Variants in DOCK3 observed in about 807,000 individuals in gnomAD.
DOCK3 encodes the protein dedicator of cytokinesis 3, also known as dedicator of cytokinesis protein 3.
DOCK3 carries 60 observed loss-of-function variants against 265.6 expected under a neutral mutation model. The ratio of observed to expected loss-of-function variants is 0.23; its 90% CI spans 0.18 to 0.28. DOCK3 has a LOEUF of 0.28. Among genes scored for constraint, DOCK3 ranks in the 10% least tolerant of loss-of-function variants. The probability of loss-of-function intolerance (pLI) is 1.00; values close to 1 mark genes in which losing one functional copy is unlikely to be tolerated. For synonymous variants in DOCK3, 881 were observed against 938.0 expected (o/e 0.94, Z 1.11); for missense variants, 1,981 against 2,594.3 (o/e 0.76, Z 5.14).
chr3:51,378,438 C>G (rs1478265560), intron 51 of DOCK3, among the ~76,000 whole-genome samples: 1 of 152,144 alleles, frequency 6.6e-6, no homozygotes, highest in Non-Finnish European at 1.5e-5. Flanking sequence ...CCTGTCAGCT[C>G]CCATTAGGCC....
intron 12 of DOCK3, among the ~76,000 whole-genome samples, chr3:51,176,137 G>T (rs549008966): frequency 6.6e-6 from 1 of 152,206 alleles, no homozygotes. Flanking sequence ...CCAGAGTGAA[G>T]AAAGTGAGTT....
intron 5 of DOCK3, among the ~76,000 whole-genome samples, chr3:50,981,326 T>C (rs116377658): frequency 0.011 from 1,726 of 152,346 alleles, 28 homozygotes; most frequent in African/African-American, 0.039. Context: ...AGCTTACTTA[T>C]ATGATTTCAA....
intron 9 of DOCK3, among the ~76,000 whole-genome samples, chr3:51,110,894 T>C (rs1281742911): frequency 3.3e-5 from 5 of 152,198 alleles, no homozygotes; most frequent in Non-Finnish European, 7.4e-5. Flanking sequence ...TCAGTCTATC[T>C]CTGTTTTCAG....
At chr3:50,720,157 G>T (rs2037382980) in intron 1 of DOCK3, among the ~76,000 whole-genome samples, 1 of 151,898 alleles carries the variant, frequency 6.6e-6, no homozygotes, top group South Asian at 2.1e-4. Context: ...TTTTATTTTA[G>T]GTCCAGAGGT....
intron 2 of DOCK3, among the ~76,000 whole-genome samples, chr3:50,809,464 T>C (rs1162728769): frequency 6.6e-6 from 1 of 152,224 alleles, no homozygotes; most frequent in Non-Finnish European, 1.5e-5. Flanking sequence ...CAGACATTAC[T>C]GATGGTGGGG....
At chr3:51,345,770 T>C (rs1230621442) in intron 38 of DOCK3, among the ~76,000 whole-genome samples, 4 of 152,242 alleles carry the variant, frequency 2.6e-5, no homozygotes, top group African/African-American at 7.2e-5. Context: ...AAATGTACTC[T>C]TTTGAGAAAC....
intron 27 of DOCK3, among the ~76,000 whole-genome samples, chr3:51,297,117 CAAA>C (rs71633066): frequency 4.6e-5 from 3 of 65,912 alleles, no homozygotes; most frequent in Non-Finnish European, 2.5e-5. Context: ...GACTCTGTCT[CAAA>C]AAAAAAAAAA....
In DOCK3 at chr3:50,791,356, C is replaced by T. The variant is rs143350284; in HGVS notation, c.121+12598C>T. Among the ~76,000 whole-genome samples the T allele has an allele frequency of 4.7e-3, 701 of 149,918 alleles. 2 individuals are homozygous for T. Among genetic ancestry groups the T allele is most frequent in the African/African-American group, 0.016 (649 of 40,802 alleles). On this transcript the variant is annotated intron_variant, in intron 2 of 52. Transcript: ENST00000266037. ...TCGGCTCACTGCAACCTCTGCCTCC[C>T]GGGTTCAAGTGATTCTCCTGCCTCA...
chr3:51,278,692 G>A (rs904372157), intron 26 of DOCK3, among the ~76,000 whole-genome samples: 1 of 152,110 alleles, frequency 6.6e-6, no homozygotes, highest in Non-Finnish European at 1.5e-5. Flanking sequence ...AGTGCTTGCT[G>A]TGGGCCAGAC....
intron 2 of DOCK3, among the ~76,000 whole-genome samples, chr3:50,813,502 G>C (rs2043884781): frequency 6.6e-6 from 1 of 151,838 alleles, no homozygotes; most frequent in African/African-American, 2.4e-5. Context: ...CTCCAGCCTG[G>C]GTGACAGAGT....
chr3:51,114,870 T>C (rs2083667211), intron 9 of DOCK3, among the ~76,000 whole-genome samples: 1 of 151,970 alleles, frequency 6.6e-6, no homozygotes, highest in African/African-American at 2.4e-5. Flanking sequence ...TTTCTCATTG[T>C]TCAGCTCCCA....
intron 1 of DOCK3, among the ~76,000 whole-genome samples, chr3:50,735,078 A>G (rs1209612150): frequency 2.0e-5 from 3 of 152,098 alleles, no homozygotes; most frequent in Non-Finnish European, 4.4e-5. Context: ...AGCTTTGCCA[A>G]GTATAATACT....
chr3:50,841,285 G>A (rs2045809541), intron 2 of DOCK3, among the ~76,000 whole-genome samples: 1 of 152,168 alleles, frequency 6.6e-6, no homozygotes, highest in African/African-American at 2.4e-5. Context: ...ATACTGTATG[G>A]GAGATTGAAT....
intron 2 of DOCK3, chr3:50,786,690 C>T: frequency 4.6e-6 from 3 of 653,560 alleles, no homozygotes; most frequent in African/African-American, 1.8e-5. Flanking sequence ...CCACAGATTT[C>T]ACAGATAAAG....
chr3:50,952,910 C>T (rs1196993493), intron 5 of DOCK3, among the ~76,000 whole-genome samples: 1 of 151,930 alleles, frequency 6.6e-6, no homozygotes, highest in African/African-American at 2.4e-5. Context: ...ACATGAAGGC[C>T]CTTTCCTGAG....
intron 5 of DOCK3, among the ~76,000 whole-genome samples, chr3:50,935,441 C>A (rs1245043974): frequency 6.6e-6 from 1 of 152,234 alleles, no homozygotes; most frequent in East Asian, 1.9e-4. Flanking sequence ...AAACTTTCAC[C>A]CCCTACCCTA....
intron 27 of DOCK3, among the ~76,000 whole-genome samples, chr3:51,285,621 C>A (rs2081361448): frequency 6.6e-6 from 1 of 151,262 alleles, no homozygotes; most frequent in South Asian, 2.1e-4. Flanking sequence ...ATCTGAGGTA[C>A]AAAAAGAAAA....
intron 1 of DOCK3, among the ~76,000 whole-genome samples, chr3:50,757,464 G>A (rs2040234593): frequency 2.0e-5 from 3 of 152,154 alleles, no homozygotes; most frequent in Non-Finnish European, 2.9e-5. Context: ...GAGCCACTGC[G>A]CCTGGCTCAG....
At chr3:51,354,663 G>T (rs138758620) in intron 40 of DOCK3, among the ~76,000 whole-genome samples, 83 of 152,184 alleles carry the variant, frequency 5.5e-4, no homozygotes, top group African/African-American at 2.0e-3. Flanking sequence ...CAAGCTTCTT[G>T]CAGCCTGTAC....
Sources: allele counts gnomAD v4.1 joint callset (sites outside exome capture counted in the v4.1 genomes callset), GRCh38; gene constraint gnomAD v4.1.1; transcripts MANE v1.5; gene names NCBI Gene and HGNC (gene_info 2026-07-23, HGNC 2026-07-21).